PIH1D1: variants seen among roughly 807,000 people sequenced by gnomAD.
PIH1D1 encodes the protein PIH1 domain containing 1.
In PIH1D1, 28 loss-of-function variants were observed where a neutral mutation model predicts 38.5. That is an observed-to-expected ratio of 0.73 (90% confidence interval 0.54 to 1.00). The LOEUF (loss-of-function observed/expected upper bound fraction) is 1.00. Ranked by LOEUF, PIH1D1 falls within the 50% of genes least tolerant of loss-of-function variation. The probability of loss-of-function intolerance (pLI) is 0.00; values close to 1 mark genes in which losing one functional copy is unlikely to be tolerated. For missense variants in PIH1D1, 343 were observed against 369.9 expected (o/e 0.93, Z 0.60); for synonymous variants, 155 against 153.5 (o/e 1.01, Z -0.07).
Position 49,447,395 on chromosome 19 carries a change from G to C in PIH1D1, c.554C>G (p.Pro185Arg), listed in dbSNP as rs1192132011. ...CAGGTCCCCCAGCTCCTGGATCCGAGGACGCTGCTCCGAGCGGATGTTCTG... is the reference window on the plus strand; with the variant it reads ...CAGGTCCCCCAGCTCCTGGATCCGACGACGCTGCTCCGAGCGGATGTTCTG... Reference protein sequence around the residue: ...SQQNIRSEQRPRIQELGDLYT... With the variant: ...SQQNIRSEQRRRIQELGDLYT... Residue 185 changes from proline (P) to arginine (R), a missense_variant, in exon 6 of 9, where the codon CCT (proline) becomes CGT (arginine). By Grantham distance (103) the Pro-to-Arg change is moderately radical. Transcript: ENST00000262265. 1.2e-6 allele frequency: 2 copies of C among 1,613,634 alleles called. No homozygotes were observed. Among genetic ancestry groups the C allele is most frequent in the African/African-American group, 1.3e-5 (1 of 75,040 alleles).
Position 49,446,632 on chromosome 19 carries a change from C to G in PIH1D1, c.750G>C (p.Gln250His). The change falls in exon 8 of 9, where the codon CAG (glutamine) becomes CAC (histidine). Residue 250 changes from glutamine to histidine, a missense_variant. Physicochemically the swap from Gln to His is conservative, Grantham distance 24 (BLOSUM62 0). Coordinates refer to ENST00000262265, the MANE Select transcript of PIH1D1 (RefSeq NM_017916.3). ...TATAAGCGTCTAGATGATACAGCTG[C>G]TGGGGGCCCCCCATCACCAGGCGGT... ...GENRLVMGGP[Q>H]QLYHLDAYIP... The G allele has an allele frequency of 1.2e-6, 2 of 1,607,980 alleles. No homozygotes were observed. The highest frequency in any genetic ancestry group is 1.7e-6 in the Non-Finnish European group (2 of 1,176,774).
At chr19:49,448,964 G>A (rs1167706136) in intron 3 of PIH1D1, 4 of 285,048 alleles carry the variant, frequency 1.4e-5, no homozygotes, top group African/African-American at 2.2e-5. Flanking sequence ...AGGCTGAGGC[G>A]GTGGATCACC....
chr19:49,447,511 C>G (rs1431279925), intron 5 of PIH1D1, 44 bp from the exon 6 acceptor site: 1 of 1,597,840 alleles, frequency 6.3e-7, no homozygotes, highest in African/African-American at 1.3e-5. Context: ...GGTCAGGGTT[C>G]CCTTTGTGGG....
At chr19:49,451,441 A>C in intron 1 of PIH1D1, 44 bp downstream of exon 1, 3 of 1,611,792 alleles carry the variant, frequency 1.9e-6, no homozygotes, top group Non-Finnish European at 2.5e-6. Context: ...GCACCCCGCC[A>C]AAATCCCCGA....
rs1161210444 is a variant in PIH1D1 at position 49,449,533 on chromosome 19, G to T, written c.279C>A (p.Asp93Glu). The T allele has an allele frequency of 3.1e-6, 5 of 1,614,082 alleles. No individual in the cohort carries two copies. The highest frequency in any genetic ancestry group is 4.2e-6 in the Non-Finnish European group (5 of 1,180,046). The change falls in exon 3 of 9, where the codon GAC (aspartate) becomes GAA (glutamate). Residue 93 changes from aspartate to glutamate, a missense_variant. Transcript: ENST00000262265. ...TCATGGGGATGCGAAACCCAGCTTG[G>T]TCCTCCTCTAGCATCTGAAGCAGCT... is the stretch of plus-strand genomic sequence containing the variant. ...EEELLQMLEE[D>E]QAGFRIPMSL...
At chr19:49,446,835 C>G (rs748322136) in intron 7 of PIH1D1, 141 bp from the exon 8 acceptor site, 26 of 1,145,712 alleles carry the variant, frequency 2.3e-5, no homozygotes, top group Non-Finnish European at 6.3e-6. Context: ...AATTACAAGT[C>G]TCAACGACCG....
In PIH1D1 at chr19:49,450,807, T is replaced by C. The variant is rs2079053851; in HGVS notation, c.132A>G (p.Glu44=). Residue 44 remains glutamate, a synonymous_variant, in exon 2 of 9, where the codon GAA becomes GAG. Coordinates refer to ENST00000262265, the MANE Select transcript of PIH1D1 (RefSeq NM_017916.3). ...ELQQAQTTRP[E]STQIQPQPGF... ...CAGGCTGAGGCTGGATTTGTGTCGATTCTGGTCTGGTTGTCTGGGCTTGCT... is the reference window on the plus strand; with the variant it reads ...CAGGCTGAGGCTGGATTTGTGTCGACTCTGGTCTGGTTGTCTGGGCTTGCT... 5 of 1,613,214 alleles carry C rather than the reference T, an allele frequency of 3.1e-6. No individual in the cohort carries two copies. The East Asian group carries it at 1.1e-4, about 36-fold the overall frequency.
chr19:49,448,210 G>A (rs1055757313), intron 3 of PIH1D1, 148 bp from the exon 4 acceptor site: 7 of 740,724 alleles, frequency 9.5e-6, no homozygotes, highest in Admixed American at 9.3e-5. Flanking sequence ...CTCACTTTCC[G>A]CTCTGGACTC....
At chr19:49,446,466 A>G (rs755255879) in intron 8 of PIH1D1, 43 bp from the exon 9 acceptor site, 2 of 1,385,632 alleles carry the variant, frequency 1.4e-6, no homozygotes, top group East Asian at 2.3e-5. Context: ...AGGACCCAGA[A>G]GTCCAGCTCC....
chr19:49,447,473 G>A lies in PIH1D1; in HGVS notation c.482-6C>T, dbSNP rs1449865662. 6.2e-7 allele frequency: 1 copy of A among 1,607,118 alleles called. No individual in the cohort carries two copies. The highest frequency in any genetic ancestry group is 8.5e-7 in the Non-Finnish European group (1 of 1,179,900). On this transcript the variant is annotated splice_polypyrimidine_tract_variant and splice_region_variant and intron_variant, in intron 5 of 8. Transcript: ENST00000262265. Reference sequence around the variant, plus strand: ...GTTCTTCATCATGCGCCATTCTGAGGGTCAGGAGCGCCGTCAAACATCGTA... The same window carrying A: ...GTTCTTCATCATGCGCCATTCTGAGAGTCAGGAGCGCCGTCAAACATCGTA...
At position 49,447,879 on chromosome 19, in the gene PIH1D1, G is replaced by C; in HGVS notation, c.429C>G (p.Ile143Met). Residue 143 changes from isoleucine (I) to methionine (M), a missense_variant, in exon 5 of 9, where the codon ATC becomes ATG. Physicochemically the swap from Ile to Met is conservative, Grantham distance 10. Coordinates refer to ENST00000262265, the MANE Select transcript of PIH1D1 (RefSeq NM_017916.3). Reference sequence around the variant, plus strand: ...CCTCAAGGCCCTCCCTGGCGATGGTGATCACGAGCTCCCGCAAGAAATCGC... The same window carrying C: ...CCTCAAGGCCCTCCCTGGCGATGGTCATCACGAGCTCCCGCAAGAAATCGC... ...QNSDFLRELV[I>M]TIAREGLEDK... 1 of 1,614,082 alleles carries C rather than the reference G, an allele frequency of 6.2e-7. No individual in the cohort carries two copies. Among genetic ancestry groups the C allele is most frequent in the Non-Finnish European group, 8.5e-7 (1 of 1,179,994 alleles).
Position 49,446,550 on chromosome 19 carries a change from C to A in PIH1D1, c.831+1G>T, listed in dbSNP as rs1229743751. The A allele has an allele frequency of 6.2e-7, 1 of 1,613,954 alleles. No homozygotes were observed. The highest frequency in any genetic ancestry group is 2.2e-5 in the East Asian group (1 of 44,862). On this transcript the variant is annotated splice_donor_variant, in intron 8 of 8. Coordinates refer to ENST00000262265, the MANE Select transcript of PIH1D1 (RefSeq NM_017916.3). LOFTEE classifies it high-confidence loss of function. ...CTTCCCCAAGCCCCTCCCCCAGGCA[C>A]CTTTCTCTTCCGGTGGAAGGCTGCC...
At chr19:49,451,057 T>A (rs1447512549) in intron 1 of PIH1D1, 2 of 890,666 alleles carry the variant, frequency 2.2e-6, no homozygotes, top group Non-Finnish European at 3.1e-6. Flanking sequence ...GGAGACGGAG[T>A]CTCACTCTGT....
Position 49,446,442 on chromosome 19 carries a change from G to A in PIH1D1, c.832-19C>T. ...TTAATTGCTGAGGAGACAGAGCAAAGAGAATGAGGATCCAGGACCCAGAAG... is the reference window on the plus strand; with the variant it reads ...TTAATTGCTGAGGAGACAGAGCAAAAAGAATGAGGATCCAGGACCCAGAAG... On this transcript the variant is annotated intron_variant, in intron 8 of 8. Coordinates refer to ENST00000262265, the MANE Select transcript of PIH1D1 (RefSeq NM_017916.3). 8.6e-7 allele frequency: 1 copy of A among 1,162,750 alleles called. No homozygotes were observed. The highest frequency in any genetic ancestry group is 2.3e-5 in the East Asian group (1 of 42,886). 72.0% of individuals were successfully genotyped at this position (1,162,750 alleles called of 1,614,324 possible). A position where few individuals can be genotyped will look rare whatever the true frequency, so the allele number is the denominator to read the frequency against.
chr19:49,446,730 C>A, intron 7 of PIH1D1, 36 bp from the exon 8 acceptor site: 1 of 1,529,946 alleles, frequency 6.5e-7, no homozygotes, highest in South Asian at 1.3e-5. Context: ...CCCTCCCCAG[C>A]AACAGGATGA....
chr19:49,446,707 C>A lies in PIH1D1; in HGVS notation c.688-13G>T, dbSNP rs111663333. 1.3e-6 allele frequency: 2 copies of A among 1,538,544 alleles called. No individual in the cohort carries two copies. Among genetic ancestry groups the A allele is most frequent in the South Asian group, 1.3e-5 (1 of 78,094 alleles). On this transcript the variant is annotated splice_polypyrimidine_tract_variant and intron_variant, in intron 7 of 8. Coordinates refer to ENST00000262265, the MANE Select transcript of PIH1D1 (RefSeq NM_017916.3). ...CCAGGGCTCCATCCTGGAGAGGTGG[C>A]GGAATCAGGTCACCCTCCCCAGCAA...
Position 49,446,409 on chromosome 19 carries a change from G to A in PIH1D1, c.846C>T (p.Ala282=), listed in dbSNP as rs536372723. 2.2e-6 allele frequency: 2 copies of A among 917,042 alleles called. No individual in the cohort carries two copies. The highest frequency in any genetic ancestry group is 3.2e-5 in the African/African-American group (2 of 61,748). 56.8% of individuals were successfully genotyped at this position (917,042 alleles called of 1,614,324 possible). A position where few individuals can be genotyped will look rare whatever the true frequency, so the allele number is the denominator to read the frequency against. Residue 282 remains alanine, a synonymous_variant, in exon 9 of 9, where the codon GCC becomes GCT. Coordinates refer to ENST00000262265, the MANE Select transcript of PIH1D1 (RefSeq NM_017916.3). ...AAGAAGGCACCGGCAGAAGCGGCAT[G>A]GCCACCATTAATTGCTGAGGAGACA... is the stretch of plus-strand genomic sequence containing the variant. The part of the protein sequence containing the change: ...FHRKRKQLMV[A]MPLLPVPS
In PIH1D1 at chr19:49,451,610, C is replaced by T; in HGVS notation, c.-36G>A. ...AAGAGATCTAGGCGTCCTCGAGACC[C>T]TCAACGTGGGAAACTTTGCCCAGGA... On this transcript the variant is annotated 5_prime_UTR_variant, in exon 1 of 9. Coordinates refer to ENST00000262265, the MANE Select transcript of PIH1D1 (RefSeq NM_017916.3). 1.2e-6 allele frequency: 2 copies of T among 1,608,304 alleles called. No homozygotes were observed. The highest frequency in any genetic ancestry group is 1.7e-4 in the Middle Eastern group (1 of 6,044).
At chr19:49,447,962 G>C in intron 4 of PIH1D1, 39 bp downstream of exon 4, 1 of 1,611,176 alleles carries the variant, frequency 6.2e-7, no homozygotes, top group Middle Eastern at 1.7e-4. Flanking sequence ...TAGGGGTAGA[G>C]ACCCCTGCCC....
Sources: allele counts gnomAD v4.1 joint callset, GRCh38; gene constraint gnomAD v4.1.1; transcripts MANE v1.5; gene names NCBI Gene and HGNC (gene_info 2026-07-23, HGNC 2026-07-21).